The following C1GALT1 variants were observed in gnomAD, a reference collection of about 807,000 sequenced individuals.
The protein encoded by C1GALT1 is glycoprotein-N-acetylgalactosamine 3-beta-galactosyltransferase 1.
Under a neutral mutation model 31.0 loss-of-function variants are expected in C1GALT1, and 11 were observed. That is an observed-to-expected ratio of 0.36 (90% CI 0.22 to 0.59). The LOEUF is 0.59. Ranked by LOEUF, C1GALT1 falls within the 20% of genes least tolerant of loss-of-function variation. C1GALT1 has a pLI of 0.79. For missense variants in C1GALT1, 424 were observed against 425.2 expected, an observed-to-expected ratio of 1.00 and a Z score of 0.03; for synonymous variants, 175 against 143.6, an observed-to-expected ratio of 1.22 and a Z score of -1.56.
chr7:7,216,793 TA>T (rs1041459387), intron 1 of C1GALT1, among the ~76,000 whole-genome samples: 10 of 152,178 alleles, frequency 6.6e-5, no homozygotes, highest in Non-Finnish European at 1.5e-4. Flanking sequence ...ACTGCTAACT[TA>T]AAAGCATAAA....
intron 1 of C1GALT1, among the ~76,000 whole-genome samples, chr7:7,187,313 G>C (rs6651061): frequency 1.3e-5 from 2 of 150,930 alleles, no homozygotes; most frequent in Non-Finnish European, 2.9e-5. Flanking sequence ...GCAGTGGCGC[G>C]ATCTCAGCTC....
At chr7:7,177,253 T>C (rs1222027389) in intron 2 of C1GALT1, among the ~76,000 whole-genome samples, 1 of 152,192 alleles carries the variant, frequency 6.6e-6, no homozygotes, top group Non-Finnish European at 1.5e-5. Context: ...CTCAGGTTAG[T>C]CATGCCACAA....
chr7:7,171,741 T>C (rs1487390569), intron 2 of C1GALT1, among the ~76,000 whole-genome samples: 1 of 152,158 alleles, frequency 6.6e-6, no homozygotes, highest in Admixed American at 6.5e-5. Context: ...TTTCCTTTTG[T>C]ATATATCTTT....
At chr7:7,178,649 A>C (rs1780532069), upstream of C1GALT1, among the ~76,000 whole-genome samples, 1 of 152,210 alleles carries the variant, frequency 6.6e-6, no homozygotes, top group Non-Finnish European at 1.5e-5. Context: ...AAAAACCCTT[A>C]GATAATACAG....
upstream of C1GALT1, among the ~76,000 whole-genome samples, chr7:7,182,001 A>T (rs1314379222): frequency 2.0e-5 from 3 of 152,072 alleles, no homozygotes; most frequent in Non-Finnish European, 4.4e-5. Context: ...CCAAAGACGA[A>T]ATGTGCCTAT....
chr7:7,176,543 C>T (rs1344328887), intron 2 of C1GALT1, among the ~76,000 whole-genome samples: 4 of 152,152 alleles, frequency 2.6e-5, no homozygotes, highest in Non-Finnish European at 4.4e-5. Flanking sequence ...ATTCTAGCCT[C>T]GTAAGCTGAG....
In C1GALT1 at chr7:7,234,124, T is replaced by G. The variant is rs537976649; in HGVS notation, c.-17-179T>G. ...GTGACTGTCCTACTAATTAATCTGGTTTTATGGATTTTCCATAATGTGCTG... is the reference window on the plus strand; with the variant it reads ...GTGACTGTCCTACTAATTAATCTGGGTTTATGGATTTTCCATAATGTGCTG... On this transcript the variant is annotated intron_variant, in intron 1 of 3. Coordinates refer to ENST00000436587, the MANE Select transcript of C1GALT1 (RefSeq NM_020156.5). The G allele has an allele frequency of 1.0e-5, 6 of 592,396 alleles. No homozygotes were observed. The East Asian group carries it at 1.7e-4, about 17-fold the overall frequency. The allele number at this position is 592,396 out of a possible 1,614,324, so 36.7% of individuals were successfully genotyped here.
chr7:7,187,013 G>A (rs374083767), intron 1 of C1GALT1, among the ~76,000 whole-genome samples: 110 of 152,242 alleles, frequency 7.2e-4, no homozygotes, highest in African/African-American at 2.5e-3. Flanking sequence ...GTAAAAATGG[G>A]CCAAAGAAGC....
chr7:7,211,769 A>G (rs1782015444), intron 1 of C1GALT1, among the ~76,000 whole-genome samples: 1 of 152,196 alleles, frequency 6.6e-6, no homozygotes, highest in South Asian at 2.1e-4. Flanking sequence ...ATAATTTCCC[A>G]CAATTAGTAT....
chr7:7,208,222 G>A (rs1488479596), intron 1 of C1GALT1, among the ~76,000 whole-genome samples: 2 of 151,818 alleles, frequency 1.3e-5, no homozygotes, highest in Non-Finnish European at 1.5e-5. Context: ...TTAAAATAAA[G>A]GTTCAATAAA....
intron 1 of C1GALT1, among the ~76,000 whole-genome samples, chr7:7,228,811 G>T (rs183781710): frequency 3.3e-5 from 5 of 152,292 alleles, no homozygotes; most frequent in African/African-American, 1.2e-4. Flanking sequence ...GTAACACCAA[G>T]AAGTCAGTTT....
At chr7:7,209,479 G>A (rs1781894681) in intron 1 of C1GALT1, 1 of 152,140 alleles carries the variant, frequency 6.6e-6, no homozygotes, top group South Asian at 2.1e-4. Flanking sequence ...CTGCACCCTT[G>A]TCTTAAATGG....
chr7:7,232,018 TCTC>T (rs1254046999), intron 1 of C1GALT1, among the ~76,000 whole-genome samples: 2 of 152,196 alleles, frequency 1.3e-5, no homozygotes, highest in Non-Finnish European at 2.9e-5. Context: ...CAGGACCTCT[TCTC>T]CTAAGCAGAC....
At position 7,216,853 on chromosome 7, in the gene C1GALT1, A is replaced by G. The variant is rs145329549; in HGVS notation, c.-17-17450A>G. ...GAGCCTGATTTCTGCTAAGTGGCTT[A>G]GAAATGACCATGTGCTTCCCAGAGA... On this transcript the variant is annotated intron_variant, in intron 1 of 3. Coordinates refer to ENST00000436587, the MANE Select transcript of C1GALT1 (RefSeq NM_020156.5). Among the ~76,000 whole-genome samples, 251 of 152,342 alleles carry G rather than the reference A, an allele frequency of 1.6e-3. 1 individual carries two copies. The highest frequency in any genetic ancestry group is 4.9e-3 in the Admixed American group (75 of 15,310).
At chr7:7,158,638 T>A (rs1398108871) in intron 2 of C1GALT1, among the ~76,000 whole-genome samples, 2 of 151,068 alleles carry the variant, frequency 1.3e-5, no homozygotes, top group African/African-American at 4.9e-5. Flanking sequence ...TACACATGTA[T>A]CTATTTATAT....
Position 7,182,659 on chromosome 7 carries a change from G to A in C1GALT1, c.-179G>A. On this transcript the variant is annotated 5_prime_UTR_variant, in exon 1 of 4. The change creates a new upstream start codon in the 5' untranslated region. Transcript: ENST00000436587. ...TGGGCCCGCCTTGGCCGCCGCCGCT[G>A]TGCTGCCGCTGCCGGGGAATAATCT... 5.6e-6 allele frequency: 2 copies of A among 359,866 alleles called. No homozygotes were observed. The highest frequency in any genetic ancestry group is 7.8e-6 in the Non-Finnish European group (2 of 258,010). The allele number at this position is 359,866 out of a possible 1,614,324, so 22.3% of individuals were successfully genotyped here.
At chr7:7,220,549 C>T (rs370109344) in intron 1 of C1GALT1, among the ~76,000 whole-genome samples, 1 of 152,074 alleles carries the variant, frequency 6.6e-6, no homozygotes, top group South Asian at 2.1e-4. Flanking sequence ...GACGGAGTCT[C>T]ACTCTGTCGC....
At chr7:7,234,623 A>C in intron 2 of C1GALT1, 84 bp downstream of exon 2, 1 of 959,878 alleles carries the variant, frequency 1.0e-6, no homozygotes, top group African/African-American at 1.6e-5. Flanking sequence ...CTGTTAATTA[A>C]AATGGGCTAT....
upstream of C1GALT1, among the ~76,000 whole-genome samples, chr7:7,177,688 C>G (rs1329283391): frequency 6.6e-6 from 1 of 152,186 alleles, no homozygotes; most frequent in African/African-American, 2.4e-5. Context: ...CTATTTTATA[C>G]AGTACACAGT....
Sources: gnomAD v4.1 joint callset for allele counts (sites outside exome capture counted in the v4.1 genomes callset) on GRCh38, gnomAD v4.1.1 for gene constraint, MANE v1.5 for transcripts, NCBI Gene and HGNC (gene_info 2026-07-23, HGNC 2026-07-21) for gene names.